The following TDP1 variants were observed in gnomAD, a reference collection of about 807,000 sequenced individuals.
TDP1 encodes tyrosyl-DNA phosphodiesterase 1, also known as tyr-DNA phosphodiesterase 1.
Under a neutral mutation model 81.5 loss-of-function variants are expected in TDP1, and 64 were observed. The observed-to-expected ratio is 0.79, with a 90% CI of 0.64 to 0.97. TDP1 has a LOEUF of 0.97. TDP1 is among the 50% of genes least tolerant of loss of function. The pLI is 0.00. For synonymous variants in TDP1, 256 were observed against 264.3 expected (o/e 0.97, Z 0.30); for missense variants, 723 against 743.8 (o/e 0.97, Z 0.33).
At chr14:89,955,334 T>C (rs905226700), upstream of TDP1, 6 of 152,184 alleles carry the variant, frequency 3.9e-5, no homozygotes, top group Non-Finnish European at 2.9e-5. Context: ...ATGCCTAGTG[T>C]GAAAGAGATT....
intron 8 of TDP1, chr14:89,983,118 C>T (rs1233222368): frequency 4.4e-6 from 2 of 455,892 alleles, no homozygotes; most frequent in African/African-American, 4.0e-5. Context: ...ATCCAGAACT[C>T]ACCTGTGAGT....
intron 16 of TDP1, among the ~76,000 whole-genome samples, chr14:90,038,831 C>G (rs1888076809): frequency 6.6e-6 from 1 of 150,734 alleles, no homozygotes; most frequent in Non-Finnish European, 1.5e-5. Context: ...GAGCGAGACT[C>G]CATCTCAAAA....
intron 10 of TDP1, chr14:89,987,139 A>G (rs1895659995): frequency 6.6e-6 from 1 of 152,366 alleles, no homozygotes; most frequent in African/African-American, 2.4e-5. Flanking sequence ...TTCAAATGAT[A>G]GGAGTCAAAA....
At chr14:89,973,607 C>T (rs12100655) in intron 6 of TDP1, among the ~76,000 whole-genome samples, 3,178 of 152,270 alleles carry the variant, frequency 0.021, 100 homozygotes, top group African/African-American at 0.073. Flanking sequence ...GTCAGAGAAT[C>T]GGTGGCTGCT....
intron 6 of TDP1, among the ~76,000 whole-genome samples, chr14:89,973,951 G>A (rs34680032): frequency 0.095 from 14,475 of 152,148 alleles, 1,773 homozygotes; most frequent in African/African-American, 0.28. Context: ...AGGCTGTCTG[G>A]TAGCTCTTGT....
Position 89,978,273 on chromosome 14 carries a change from G to A in TDP1, c.792-2267G>A, listed in dbSNP as rs558867663. On this transcript the variant is annotated intron_variant, in intron 7 of 16. Coordinates refer to ENST00000335725, the MANE Select transcript of TDP1 (RefSeq NM_018319.4). ...ATTTGTGATCCCAACAAGCTCTTCCGCTGGCCCACTTTGTGACCTTGGATA... is the reference window on the plus strand; with the variant it reads ...ATTTGTGATCCCAACAAGCTCTTCCACTGGCCCACTTTGTGACCTTGGATA... Among the ~76,000 whole-genome samples the A allele has an allele frequency of 1.9e-3, 288 of 152,330 alleles. 1 individual carries two copies. The highest frequency in any genetic ancestry group is 8.7e-4 in the Non-Finnish European group (59 of 68,024).
chr14:89,970,558 A>C (rs1366627897), intron 5 of TDP1, among the ~76,000 whole-genome samples: 1 of 152,042 alleles, frequency 6.6e-6, no homozygotes, highest in Admixed American at 6.5e-5. Context: ...TAAATATTTT[A>C]ACACAGAACT....
intron 14 of TDP1, among the ~76,000 whole-genome samples, chr14:90,001,296 ATTATGTGTT>A (rs1382946363): frequency 2.6e-5 from 4 of 152,016 alleles, no homozygotes; most frequent in Non-Finnish European, 5.9e-5. Flanking sequence ...CCTCTCTTTC[ATTATGTGTT>A]GTGATTGAGG....
rs540069110 is a variant in TDP1 at position 90,029,488 on chromosome 14, C to T, written c.1645-3618C>T. On this transcript the variant is annotated intron_variant, in intron 15 of 16. Coordinates refer to ENST00000335725, the MANE Select transcript of TDP1 (RefSeq NM_018319.4). ...TGCTGGCATTACAGGCATGAGCCAC[C>T]GCACCCGGCCTTTTTTTTTTTTTTT... Among the ~76,000 whole-genome samples the T allele has an allele frequency of 2.6e-3, 376 of 145,118 alleles. 2 individuals carry two copies. The highest frequency in any genetic ancestry group is 8.2e-3 in the African/African-American group (318 of 38,590).
At chr14:89,980,128 T>C (rs1894806959) in intron 7 of TDP1, 1 of 984,168 alleles carries the variant, frequency 1.0e-6, no homozygotes, top group Admixed American at 6.1e-5. Flanking sequence ...TATACCAATT[T>C]ATGCTATTTT....
At chr14:90,006,090 G>T (rs35176239) in intron 14 of TDP1, among the ~76,000 whole-genome samples, 1 of 152,148 alleles carries the variant, frequency 6.6e-6, no homozygotes, top group Non-Finnish European at 1.5e-5. Flanking sequence ...TCGGGGGAGG[G>T]TCATGATAGG....
rs531401693 is a variant in TDP1 at position 90,013,614 on chromosome 14, A to C, written c.1542-5702A>C. Among the ~76,000 whole-genome samples the C allele has an allele frequency of 3.8e-4, 58 of 152,184 alleles. No homozygotes were observed. The South Asian group carries it at 0.012, about 31-fold the overall frequency. ...CAGCCTCGGGTATGTCTTTATTAGC[A>C]GCATGAGAACAGACTGATACAAGTA... On this transcript the variant is annotated intron_variant, in intron 14 of 16. Transcript: ENST00000335725.
chr14:90,023,715 A>T lies in TDP1; in HGVS notation c.1644+4297A>T, dbSNP rs562454860. 1.6e-4 allele frequency among the ~76,000 whole-genome samples: 25 copies of T among 152,030 alleles called. 1 individual carries two copies. The South Asian group carries it at 4.2e-3, about 25-fold the overall frequency. ...CTTTTCTTTTTTTTTCCTTTGAGAC[A>T]GGCTCTTGCTCTGCCGCCCAGGCTG... is the stretch of plus-strand genomic sequence containing the variant. On this transcript the variant is annotated intron_variant, in intron 15 of 16. Coordinates refer to ENST00000335725, the MANE Select transcript of TDP1 (RefSeq NM_018319.4).
intron 6 of TDP1, among the ~76,000 whole-genome samples, chr14:89,975,132 G>A (rs1479909547): frequency 2.0e-5 from 3 of 152,222 alleles, no homozygotes; most frequent in Non-Finnish European, 4.4e-5. Context: ...CTGGAGTGCA[G>A]TGGCGCTATC....
intron 2 of TDP1, 175 bp from the exon 3 acceptor site, chr14:89,962,933 A>T (rs940046901): frequency 3.7e-5 from 36 of 985,238 alleles, no homozygotes; most frequent in Non-Finnish European, 4.3e-5. Context: ...ATTTGGCAGA[A>T]TCTGATAGTG....
chr14:89,997,080 A>G (rs756706039), intron 14 of TDP1, among the ~76,000 whole-genome samples: 3 of 152,256 alleles, frequency 2.0e-5, no homozygotes, highest in Admixed American at 1.3e-4. Flanking sequence ...CTTTTTGACT[A>G]TTCTACATAG....
chr14:89,981,871 G>A (rs1379919555), intron 8 of TDP1, among the ~76,000 whole-genome samples: 1 of 151,962 alleles, frequency 6.6e-6, no homozygotes, highest in African/African-American at 2.4e-5. Context: ...ATTTTTTGTA[G>A]AGACAAGGTT....
intron 3 of TDP1, among the ~76,000 whole-genome samples, 155 bp downstream of exon 3, chr14:89,963,828 G>A (rs545587913): frequency 6.6e-6 from 1 of 152,330 alleles, no homozygotes; most frequent in South Asian, 2.1e-4. Context: ...AAGTGCATTA[G>A]TATAACAGCA....
chr14:89,997,005 A>G (rs1036997011), intron 14 of TDP1, among the ~76,000 whole-genome samples: 5 of 152,250 alleles, frequency 3.3e-5, no homozygotes, highest in African/African-American at 1.2e-4. Context: ...CAGAATTTAC[A>G]TTGGCATGAA....
Sources: gnomAD v4.1 joint callset for allele counts (sites outside exome capture counted in the v4.1 genomes callset) on GRCh38, gnomAD v4.1.1 for gene constraint, MANE v1.5 for transcripts, NCBI Gene and HGNC (gene_info 2026-07-23, HGNC 2026-07-21) for gene names.